The following JAK2 variants were observed in gnomAD, a reference collection of about 807,000 sequenced individuals.
The protein encoded by JAK2 is tyrosine-protein kinase JAK2.
A neutral mutation model predicts 139.3 loss-of-function variants in JAK2; 86 were observed. The observed-to-expected ratio is 0.62, with a 90% confidence interval of 0.52 to 0.74. The LOEUF (loss-of-function observed/expected upper bound fraction) is 0.74. JAK2 is among the 30% of genes least tolerant of loss of function. JAK2 has a pLI of 0.00. For synonymous variants in JAK2, 490 were observed against 437.7 expected (o/e 1.12, Z -1.49); for missense variants, 1,421 against 1,360.3 (o/e 1.04, Z -0.70).
chr9:5,089,889 T>C, intron 20 of JAK2, 26 bp downstream of exon 20: 1 of 1,420,306 alleles, frequency 7.0e-7, no homozygotes, highest in Non-Finnish European at 9.3e-7. Flanking sequence ...AAACCTATTT[T>C]AAATTCAAGG....
At chr9:5,027,299 T>G (rs1260268855) in intron 3 of JAK2, among the ~76,000 whole-genome samples, 5 of 152,250 alleles carry the variant, frequency 3.3e-5, no homozygotes, top group Non-Finnish European at 5.9e-5. Context: ...GGTTTCCCAG[T>G]GCATATAAAA....
intron 12 of JAK2, 112 bp downstream of exon 12, chr9:5,070,164 T>A (rs988648663): frequency 6.1e-6 from 4 of 651,804 alleles, no homozygotes; most frequent in South Asian, 5.1e-5. Flanking sequence ...CAAATTTAGT[T>A]GTGATTTAAA....
chr9:5,007,290 CATT>C (rs1821369875), intron 2 of JAK2, among the ~76,000 whole-genome samples: 3 of 152,150 alleles, frequency 2.0e-5, no homozygotes, highest in African/African-American at 7.2e-5. Context: ...TACTCATTTT[CATT>C]ATTGATTCAA....
At chr9:5,041,765 C>G in intron 4 of JAK2, 1 of 488,932 alleles carries the variant, frequency 2.0e-6, no homozygotes, top group Non-Finnish European at 4.1e-6. Flanking sequence ...TCCACACCGA[C>G]CTGCCCTCCC....
chr9:5,035,980 C>T (rs997930805), intron 4 of JAK2, among the ~76,000 whole-genome samples: 1 of 152,118 alleles, frequency 6.6e-6, no homozygotes, highest in Admixed American at 6.5e-5. Context: ...ATCTGGAAAA[C>T]CCCATCGTCT....
intron 15 of JAK2, 121 bp downstream of exon 15, chr9:5,077,701 T>C: frequency 1.8e-6 from 1 of 568,224 alleles, no homozygotes; most frequent in Non-Finnish European, 2.8e-6. Context: ...TGTAAAATAG[T>C]CTGTGTTAGG....
rs760042855 is a variant in JAK2 at position 5,080,391 on chromosome 9, A to G, written c.2283+11A>G. On this transcript the variant is annotated intron_variant, in intron 17 of 24. Coordinates refer to ENST00000381652, the MANE Select transcript of JAK2 (RefSeq NM_004972.4). ...CTGGATTCTCAAAGAGTAAGTTTAT[A>G]TAGACTAAGTTAGAATTACTCTATC... The G allele has an allele frequency of 3.7e-6, 6 of 1,601,906 alleles. No homozygotes were observed. The highest frequency in any genetic ancestry group is 5.1e-6 in the Non-Finnish European group (6 of 1,173,648).
At chr9:5,025,320 C>A (rs1476121141) in intron 3 of JAK2, among the ~76,000 whole-genome samples, 2 of 152,116 alleles carry the variant, frequency 1.3e-5, no homozygotes, top group African/African-American at 4.8e-5. Context: ...GTGTCAATTT[C>A]TCTGTTCGCT....
chr9:5,063,161 C>A (rs1377240109), intron 8 of JAK2, among the ~76,000 whole-genome samples: 6 of 152,022 alleles, frequency 3.9e-5, no homozygotes, highest in African/African-American at 9.7e-5. Context: ...AAATATTGTT[C>A]ATTGCTGGGC....
At chr9:5,058,175 C>G (rs1043379564) in intron 8 of JAK2, among the ~76,000 whole-genome samples, 2 of 152,136 alleles carry the variant, frequency 1.3e-5, no homozygotes, top group African/African-American at 4.8e-5. Flanking sequence ...CTCTTGAAAA[C>G]TCTGCTTTCA....
intron 2 of JAK2, among the ~76,000 whole-genome samples, chr9:5,016,062 A>G (rs1214219452): frequency 6.6e-6 from 1 of 152,172 alleles, no homozygotes; most frequent in African/African-American, 2.4e-5. Flanking sequence ...ATGGATGACT[A>G]GAGGCAGGTC....
At chr9:4,999,885 T>C (rs989807284) in intron 2 of JAK2, among the ~76,000 whole-genome samples, 4 of 152,246 alleles carry the variant, frequency 2.6e-5, no homozygotes, top group African/African-American at 9.6e-5. Context: ...CTACTACTCC[T>C]GTCCTTTTTC....
At chr9:5,093,341 A>G (rs557089807) in intron 22 of JAK2, among the ~76,000 whole-genome samples, 1 of 152,200 alleles carries the variant, frequency 6.6e-6, no homozygotes, top group Non-Finnish European at 1.5e-5. Flanking sequence ...GCCCAGTGAC[A>G]TATGTTCAAC....
intron 4 of JAK2, among the ~76,000 whole-genome samples, chr9:5,037,699 C>A (rs1387001558): frequency 2.0e-5 from 3 of 151,982 alleles, no homozygotes; most frequent in Non-Finnish European, 4.4e-5. Context: ...CATACCGGGG[C>A]CTGTTCTGGG....
chr9:5,116,771 T>C (rs762525282), intron 22 of JAK2, among the ~76,000 whole-genome samples: 2 of 152,176 alleles, frequency 1.3e-5, no homozygotes, highest in Admixed American at 1.3e-4. Context: ...TTTGACGTGA[T>C]AGGCAAATTC....
rs1478825161 is a variant in JAK2 at position 5,114,288 on chromosome 9, G to A, written c.3060-8716G>A. On this transcript the variant is annotated intron_variant, in intron 22 of 24. Transcript: ENST00000381652. ...GGACCTGGCACCCAGCAAGGAGAACGTGAAGCTGACTTGGTCCCAGGCCAG... is the reference window on the plus strand; with the variant it reads ...GGACCTGGCACCCAGCAAGGAGAACATGAAGCTGACTTGGTCCCAGGCCAG... The A allele has an allele frequency of 4.4e-5, 24 of 541,980 alleles. No homozygotes were observed. In the East Asian group the frequency reaches 5.4e-4, roughly 12 times the overall value. 33.6% of individuals were successfully genotyped at this position (541,980 alleles called of 1,614,324 possible).
intron 22 of JAK2, chr9:5,110,959 C>T: frequency 3.3e-6 from 2 of 598,906 alleles, no homozygotes; most frequent in Non-Finnish European, 6.2e-6. Context: ...GGACAAGGAG[C>T]TCAGTAACCT....
At chr9:5,097,308 A>T (rs1821077288) in intron 22 of JAK2, 2 of 151,980 alleles carry the variant, frequency 1.3e-5, no homozygotes, top group Admixed American at 6.6e-5. Context: ...CCTCAACACT[A>T]CTTTTTGACC....
At chr9:5,045,615 C>T (rs989729441) in intron 5 of JAK2, among the ~76,000 whole-genome samples, 3 of 152,108 alleles carry the variant, frequency 2.0e-5, no homozygotes, top group Non-Finnish European at 2.9e-5. Flanking sequence ...ATTCTACTTT[C>T]TGAATATAAA....
Sources: gnomAD v4.1 joint callset for allele counts (sites outside exome capture counted in the v4.1 genomes callset) on GRCh38, gnomAD v4.1.1 for gene constraint, MANE v1.5 for transcripts, NCBI Gene and HGNC (gene_info 2026-07-23, HGNC 2026-07-21) for gene names.